Variants in MYO5B observed in about 807,000 individuals in gnomAD.
MYO5B encodes the protein unconventional myosin-Vb.
MYO5B carries 143 observed loss-of-function variants against 229.3 expected under a neutral mutation model. That is an observed-to-expected ratio of 0.62 (90% CI 0.54 to 0.72). MYO5B has a LOEUF of 0.72. MYO5B is among the 30% of genes least tolerant of loss of function. The pLI is 0.00. For synonymous variants in MYO5B, 918 were observed against 885.2 expected (o/e 1.04, Z -0.66); for missense variants, 2,321 against 2,331.0 (o/e 1.00, Z 0.09).
At chr18:50,029,213 T>C (rs2026363105) in intron 4 of MYO5B, among the ~76,000 whole-genome samples, 1 of 152,082 alleles carries the variant, frequency 6.6e-6, no homozygotes, top group South Asian at 2.1e-4. Flanking sequence ...GTATCATCCC[T>C]AGGGGAGGGA....
At position 50,019,792 on chromosome 18, in the gene MYO5B, C is replaced by T. The variant is rs978532124; in HGVS notation, c.455+17058G>A. Among the ~76,000 whole-genome samples the T allele has an allele frequency of 6.6e-5, 10 of 152,170 alleles. 1 individual carries two copies. The highest frequency in any genetic ancestry group is 2.1e-4 in the South Asian group (1 of 4,838). On this transcript the variant is annotated intron_variant, in intron 4 of 39. Transcript: ENST00000285039. ...AGGAAGTCCCTTTTCCTCCCTGGTA[C>T]TCAAATTTCGTCTGCTTTAAAATAA...
chr18:50,055,408 T>C (rs752252493), intron 1 of MYO5B, 30 bp from the exon 2 acceptor site: 1 of 1,568,904 alleles, frequency 6.4e-7, no homozygotes, highest in Non-Finnish European at 8.8e-7. Context: ...GAAACTTAGA[T>C]ACAGAACAAA....
At chr18:50,180,849 C>T (rs1435085282) in intron 1 of MYO5B, among the ~76,000 whole-genome samples, 1 of 152,170 alleles carries the variant, frequency 6.6e-6, no homozygotes, top group African/African-American at 2.4e-5. Flanking sequence ...GTCAGAATTT[C>T]GTTGTTTTTT....
chr18:49,915,343 C>T (rs1363933127), intron 17 of MYO5B, among the ~76,000 whole-genome samples: 2 of 152,176 alleles, frequency 1.3e-5, no homozygotes, highest in African/African-American at 2.4e-5. Flanking sequence ...GTCTCTATGC[C>T]CATTCCCTCT....
intron 1 of MYO5B, among the ~76,000 whole-genome samples, chr18:50,073,811 G>A (rs1302384807): frequency 6.6e-6 from 1 of 152,102 alleles, no homozygotes; most frequent in Non-Finnish European, 1.5e-5. Context: ...TGGGGTTCAA[G>A]CAAAAGCCTG....
At chr18:50,143,826 G>A (rs531835611) in intron 1 of MYO5B, among the ~76,000 whole-genome samples, 2 of 152,076 alleles carry the variant, frequency 1.3e-5, no homozygotes, top group South Asian at 2.1e-4. Flanking sequence ...TGTCTCCTAC[G>A]CACCTGCCTT....
intron 1 of MYO5B, among the ~76,000 whole-genome samples, chr18:50,167,510 T>G (rs1473219880): frequency 2.0e-5 from 3 of 152,224 alleles, no homozygotes; most frequent in Non-Finnish European, 4.4e-5. Context: ...TCCCAACCTC[T>G]AGAAACTCAA....
intron 1 of MYO5B, among the ~76,000 whole-genome samples, chr18:50,104,169 A>AAAAAAAAAAAG (rs1228549950): frequency 5.0e-5 from 7 of 140,378 alleles, no homozygotes; most frequent in East Asian, 4.3e-4. Flanking sequence ...TTGTCTATTA[A>AAAAAAAAAAAG]AAAGAAAAAA....
chr18:49,975,138 T>A (rs77507691), intron 9 of MYO5B, among the ~76,000 whole-genome samples: 2 of 152,194 alleles, frequency 1.3e-5, no homozygotes, highest in East Asian at 3.9e-4. Flanking sequence ...GCAATTCTCT[T>A]CCTCTCTCTT....
intron 1 of MYO5B, among the ~76,000 whole-genome samples, chr18:50,081,349 G>C (rs947876034): frequency 2.0e-5 from 3 of 152,156 alleles, no homozygotes; most frequent in African/African-American, 7.2e-5. Flanking sequence ...GGAAAACAAA[G>C]ACCTACTATT....
intron 2 of MYO5B, among the ~76,000 whole-genome samples, chr18:50,041,192 T>C (rs919787850): frequency 6.6e-6 from 1 of 152,176 alleles, no homozygotes; most frequent in African/African-American, 2.4e-5. Flanking sequence ...TTATCAGGAA[T>C]TCTGAGGCAG....
intron 14 of MYO5B, among the ~76,000 whole-genome samples, chr18:49,952,575 T>C (rs952427194): frequency 5.3e-5 from 8 of 152,138 alleles, no homozygotes; most frequent in African/African-American, 1.9e-4. Context: ...TGTGTGAAAA[T>C]GGTGTGTTTA....
At chr18:50,193,474 A>G (rs1339747461) in intron 1 of MYO5B, among the ~76,000 whole-genome samples, 1 of 152,332 alleles carries the variant, frequency 6.6e-6, no homozygotes, top group East Asian at 1.9e-4. Context: ...TAATTCCTCA[A>G]ACTTAGAAGG....
intron 3 of MYO5B, among the ~76,000 whole-genome samples, chr18:50,039,344 T>A (rs2029932607): frequency 6.6e-6 from 1 of 152,196 alleles, no homozygotes; most frequent in East Asian, 1.9e-4. Context: ...TTGTTTTGTT[T>A]TTTTTGAGAC....
chr18:50,153,585 G>A (rs562810337), intron 1 of MYO5B, among the ~76,000 whole-genome samples: 1 of 152,166 alleles, frequency 6.6e-6, no homozygotes, highest in Non-Finnish European at 1.5e-5. Context: ...GAATAGCTGG[G>A]ACTACAGGTG....
At chr18:50,116,716 C>T (rs1445878379) in intron 1 of MYO5B, among the ~76,000 whole-genome samples, 2 of 151,702 alleles carry the variant, frequency 1.3e-5, no homozygotes, top group African/African-American at 2.4e-5. Context: ...CGGGGGAACT[C>T]GTCAGAAATG....
chr18:50,058,469 C>T (rs944275319), intron 1 of MYO5B, among the ~76,000 whole-genome samples: 4 of 151,724 alleles, frequency 2.6e-5, no homozygotes, highest in Non-Finnish European at 5.9e-5. Flanking sequence ...GACTCTGTCT[C>T]AAAAAACAAA....
chr18:49,965,983 C>G (rs2025620722), intron 10 of MYO5B, among the ~76,000 whole-genome samples: 1 of 152,160 alleles, frequency 6.6e-6, no homozygotes, highest in African/African-American at 2.4e-5. Flanking sequence ...GTCATACATA[C>G]AAAGTGTCAT....
intron 4 of MYO5B, among the ~76,000 whole-genome samples, chr18:50,030,420 C>T (rs972943736): frequency 6.6e-6 from 1 of 152,202 alleles, no homozygotes; most frequent in Non-Finnish European, 1.5e-5. Flanking sequence ...CTTGCAACCT[C>T]TTCCCTCCTG....
Sources: gnomAD v4.1 joint callset for allele counts (sites outside exome capture counted in the v4.1 genomes callset) on GRCh38, gnomAD v4.1.1 for gene constraint, MANE v1.5 for transcripts, NCBI Gene and HGNC (gene_info 2026-07-23, HGNC 2026-07-21) for gene names.